ARFGEF3: variants seen among roughly 807,000 people sequenced by gnomAD.
ARFGEF3 encodes ARFGEF family member 3, also known as brefeldin A-inhibited guanine nucleotide-exchange protein 3.
Under a neutral mutation model 221.7 loss-of-function variants are expected in ARFGEF3, and 96 were observed. The observed-to-expected ratio is 0.43, with a 90% CI of 0.37 to 0.51. The LOEUF is 0.51. Among genes scored for constraint, ARFGEF3 ranks in the 20% least tolerant of loss-of-function variants. The pLI is 0.00. For synonymous variants in ARFGEF3, 1,145 were observed against 1,126.8 expected (o/e 1.02, Z -0.32); for missense variants, 2,410 against 2,789.9 (o/e 0.86, Z 3.07).
At chr6:138,308,908 T>C (rs1779775729) in intron 24 of ARFGEF3, 47 bp downstream of exon 24, 1 of 1,611,582 alleles carries the variant, frequency 6.2e-7, no homozygotes. Context: ...GAGGACCCTT[T>C]CCAGGGTGGC....
intron 2 of ARFGEF3, among the ~76,000 whole-genome samples, chr6:138,173,978 A>G (rs909921192): frequency 1.3e-5 from 2 of 152,218 alleles, no homozygotes; most frequent in Non-Finnish European, 2.9e-5. Flanking sequence ...CAGATGCACA[A>G]TGAGATCTAT....
chr6:138,301,588 A>G (rs1779629723), intron 22 of ARFGEF3, among the ~76,000 whole-genome samples: 1 of 152,222 alleles, frequency 6.6e-6, no homozygotes, highest in Non-Finnish European at 1.5e-5. Context: ...CTAGCAAGAA[A>G]TCTAACATAA....
intron 5 of ARFGEF3, among the ~76,000 whole-genome samples, chr6:138,231,415 A>G (rs965752528): frequency 1.3e-5 from 2 of 151,296 alleles, no homozygotes; most frequent in African/African-American, 2.4e-5. Flanking sequence ...CTGCTTAGAT[A>G]TGAAGCCGGC....
At chr6:138,315,789 G>A (rs1225693370) in intron 26 of ARFGEF3, among the ~76,000 whole-genome samples, 3 of 151,628 alleles carry the variant, frequency 2.0e-5, no homozygotes, top group Non-Finnish European at 2.9e-5. Flanking sequence ...GGTGGAGGTT[G>A]CAGTGAGCCG....
rs754146673 is a variant in ARFGEF3, at chr6:138,263,187, G to A, written c.1704G>A (p.Thr568=). 25 of 1,613,972 alleles carry A rather than the reference G, an allele frequency of 1.5e-5. No individual in the cohort carries two copies. Among genetic ancestry groups the A allele is most frequent in the Admixed American group, 6.7e-5 (4 of 60,018 alleles). ...DQPDVVQRSH[T]VPYPDITNFL... is the part of the protein sequence containing the mutation. ...CAGATGTCGTGCAGAGAAGCCACACGGTCCCTTACCCTGACATAACTAACT... is the reference window on the plus strand; with the variant it reads ...CAGATGTCGTGCAGAGAAGCCACACAGTCCCTTACCCTGACATAACTAACT... The change falls in exon 12 of 34, where the codon ACG becomes ACA. Residue 568 remains threonine (T), a synonymous_variant. Transcript: ENST00000251691.
chr6:138,234,887 A>G (rs1274239237), intron 5 of ARFGEF3, among the ~76,000 whole-genome samples: 3 of 152,234 alleles, frequency 2.0e-5, no homozygotes, highest in Non-Finnish European at 4.4e-5. Context: ...AACCCCATTC[A>G]GATGGGAAAG....
intron 5 of ARFGEF3, among the ~76,000 whole-genome samples, chr6:138,235,674 A>G (rs561790407): frequency 1.3e-5 from 2 of 152,352 alleles, no homozygotes; most frequent in African/African-American, 2.4e-5. Context: ...CTCTAGTTCT[A>G]TGAATCTTAC....
Position 138,248,002 on chromosome 6 carries a change from G to T in ARFGEF3, c.665+2411G>T, listed in dbSNP as rs544801123. 2.6e-5 allele frequency among the ~76,000 whole-genome samples: 4 copies of T among 152,300 alleles called. No individual in the cohort carries two copies. In the East Asian group the frequency reaches 7.7e-4, roughly 29 times the overall value. The stretch of plus-strand genomic sequence containing the variant: ...ATTTTAACATGAGTTAGGTGACTTA[G>T]AATGGGTTAAAAATTGAGCGTTCTG... On this transcript the variant is annotated intron_variant, in intron 8 of 33. Coordinates refer to ENST00000251691, the MANE Select transcript of ARFGEF3 (RefSeq NM_020340.5).
chr6:138,294,407 T>C (rs1046844203), intron 20 of ARFGEF3, among the ~76,000 whole-genome samples: 1 of 152,154 alleles, frequency 6.6e-6, no homozygotes, highest in African/African-American at 2.4e-5. Context: ...GTGGTAGAAA[T>C]TGTGTGGCTC....
At chr6:138,295,787 C>T (rs577404681) in intron 20 of ARFGEF3, among the ~76,000 whole-genome samples, 1 of 152,300 alleles carries the variant, frequency 6.6e-6, no homozygotes, top group African/African-American at 2.4e-5. Flanking sequence ...ACTTTTTAAG[C>T]ACTGGCATGA....
rs571791569 is a variant in ARFGEF3 at position 138,323,000 on chromosome 6, C to G, written c.4767-671C>G. On this transcript the variant is annotated intron_variant, in intron 29 of 33. Coordinates refer to ENST00000251691, the MANE Select transcript of ARFGEF3 (RefSeq NM_020340.5). The stretch of plus-strand genomic sequence containing the variant: ...CAGGCATGGGGGAGGTGGGGACTTT[C>G]CAAGCAGAAGAACAAAATAGCATTG... Among the ~76,000 whole-genome samples, 7 of 151,070 alleles carry G rather than the reference C, an allele frequency of 4.6e-5. No individual in the cohort carries two copies. In the South Asian group the frequency reaches 1.5e-3, roughly 32 times the overall value.
At chr6:138,190,742 G>A (rs1471198645) in intron 2 of ARFGEF3, among the ~76,000 whole-genome samples, 1 of 152,166 alleles carries the variant, frequency 6.6e-6, no homozygotes, top group Non-Finnish European at 1.5e-5. Flanking sequence ...GATTATTGCA[G>A]TGGTGCCATG....
At chr6:138,192,629 G>A (rs1777328527) in intron 2 of ARFGEF3, among the ~76,000 whole-genome samples, 1 of 152,252 alleles carries the variant, frequency 6.6e-6, no homozygotes, top group African/African-American at 2.4e-5. Flanking sequence ...ATTGTGGGTT[G>A]GGATTGGTCT....
In ARFGEF3 at chr6:138,299,198, T is replaced by TAAAAAAAAA. The variant is rs60475752; in HGVS notation, c.3828+431_3828+439dup. Among the ~76,000 whole-genome samples the TAAAAAAAAA allele has an allele frequency of 3.8e-4, 15 of 39,434 alleles. 1 individual carries two copies. Among genetic ancestry groups the TAAAAAAAAA allele is most frequent in the African/African-American group, 8.3e-4 (13 of 15,606 alleles). 25.9% of individuals were successfully genotyped at this position (39,434 alleles called of 152,430 possible). A position where few individuals can be genotyped will look rare whatever the true frequency, so the allele number is the denominator to read the frequency against. On this transcript the variant is annotated intron_variant, in intron 22 of 33. Transcript: ENST00000251691. ...GCCTGAGTGACAGAGCGAGACTCTGTAAAAAAAAAAAAAAAAAAAAAAAAA... is the reference window on the plus strand; with the variant it reads ...GCCTGAGTGACAGAGCGAGACTCTGTAAAAAAAAAAAAAAAAAAAAAAAAAAAAAAAAAA...
intron 10 of ARFGEF3, 69 bp downstream of exon 10, chr6:138,255,838 C>T: frequency 6.8e-6 from 9 of 1,317,660 alleles, no homozygotes; most frequent in South Asian, 3.1e-5. Context: ...ATACAAGAAG[C>T]GCTCAGAAAA....
intron 12 of ARFGEF3, among the ~76,000 whole-genome samples, chr6:138,264,357 A>C (rs1778847686): frequency 6.6e-6 from 1 of 152,138 alleles, no homozygotes; most frequent in African/African-American, 2.4e-5. Flanking sequence ...TACAGAAAGA[A>C]ATAAATTAAT....
In ARFGEF3 at chr6:138,280,128, G is replaced by A. The variant is rs577344165; in HGVS notation, c.2425G>A (p.Glu809Lys). The A allele has an allele frequency of 1.9e-6, 3 of 1,613,860 alleles. No individual in the cohort carries two copies. Among genetic ancestry groups the A allele is most frequent in the Admixed American group, 3.3e-5 (2 of 60,024 alleles). The change falls in exon 14 of 34, where the codon GAA (glutamate) becomes AAA (lysine). Residue 809 changes from glutamate to lysine, a missense_variant. By Grantham distance (56) the Glu-to-Lys change is moderately conservative. Coordinates refer to ENST00000251691, the MANE Select transcript of ARFGEF3 (RefSeq NM_020340.5). ...LGEAGYWGSP[E>K]DNSLPLITML... The stretch of plus-strand genomic sequence containing the variant: ...AGAGGCTGGCTATTGGGGCAGCCCA[G>A]AAGATAACAGCCTTCCCCTCATCAC...
chr6:138,192,696 C>T (rs1335116962), intron 2 of ARFGEF3, among the ~76,000 whole-genome samples: 2 of 152,322 alleles, frequency 1.3e-5, no homozygotes, highest in Non-Finnish European at 1.5e-5. Context: ...AGAGCTGGGG[C>T]GCTCCAGAGC....
At chr6:138,255,407 A>C (rs781585665) in intron 9 of ARFGEF3, 29 bp from the exon 10 acceptor site, 2 of 1,519,034 alleles carry the variant, frequency 1.3e-6, no homozygotes, top group African/African-American at 2.8e-5. Context: ...CTCGTGGGGA[A>C]AGTTACTTTT....
Sources: gnomAD v4.1 joint callset for allele counts (sites outside exome capture counted in the v4.1 genomes callset) on GRCh38, gnomAD v4.1.1 for gene constraint, MANE v1.5 for transcripts, NCBI Gene and HGNC (gene_info 2026-07-23, HGNC 2026-07-21) for gene names.